COL2A1: variants seen among roughly 807,000 people sequenced by gnomAD.
The protein encoded by COL2A1 is collagen alpha-1(II) chain.
A neutral mutation model predicts 204.5 loss-of-function variants in COL2A1; 28 were observed. The observed-to-expected ratio is 0.14, with a 90% CI of 0.10 to 0.19. The LOEUF is 0.19. COL2A1 is among the 10% of genes least tolerant of loss of function. The pLI, the probability that COL2A1 is intolerant of heterozygous loss-of-function variation, is 1.00. For missense variants in COL2A1, 1,388 were observed against 2,027.5 expected, an observed-to-expected ratio of 0.68 and a Z score of 6.06; for synonymous variants, 708 against 718.7, an observed-to-expected ratio of 0.99 and a Z score of 0.24.
At position 47,982,875 on chromosome 12, in the gene COL2A1, G is replaced by C. The variant is rs753427426; in HGVS notation, c.2166C>G (p.Pro722=). ...TGGGACCATCAGTGCCAGGAGTGCCGGGGAGGCCACGGGGACCCTGGAGGC... is the reference window on the plus strand; with the variant it reads ...TGGGACCATCAGTGCCAGGAGTGCCCGGGAGGCCACGGGGACCCTGGAGGC... ...AQGLQGPRGL[P]GTPGTDGPKG... The change falls in exon 33 of 54, where the codon CCC becomes CCG. Residue 722 remains proline, a synonymous_variant. Coordinates refer to ENST00000380518, the MANE Select transcript of COL2A1 (RefSeq NM_001844.5). 3 of 1,612,386 alleles carry C rather than the reference G, an allele frequency of 1.9e-6. No individual in the cohort carries two copies. Among genetic ancestry groups the C allele is most frequent in the South Asian group, 1.1e-5 (1 of 91,070 alleles).
chr12:47,999,672 T>A (rs2136635555), intron 2 of COL2A1: 2 of 321,326 alleles, frequency 6.2e-6, no homozygotes, highest in Admixed American at 4.8e-5. Context: ...ACATCTGTCC[T>A]TCATGTGTCT....
rs1227560487 is a variant in COL2A1 at position 47,996,535 on chromosome 12, T to A, written c.609+13A>T. ...TGCCATTTTGGCTGCAAAGAACTAG[T>A]GTCTTTTCTTACCATTGGTCCTTGC... On this transcript the variant is annotated intron_variant, in intron 8 of 53. Coordinates refer to ENST00000380518, the MANE Select transcript of COL2A1 (RefSeq NM_001844.5). The A allele has an allele frequency of 6.2e-7, 1 of 1,611,554 alleles. No homozygotes were observed. The highest frequency in any genetic ancestry group is 8.5e-7 in the Non-Finnish European group (1 of 1,177,726).
At chr12:47,982,481 G>A (rs1939150070) in intron 34 of COL2A1, 21 bp downstream of exon 34, 2 of 1,586,260 alleles carry the variant, frequency 1.3e-6, no homozygotes, top group East Asian at 2.2e-5. Context: ...TTTGGTGAGA[G>A]GCTGTAACCT....
Position 47,978,818 on chromosome 12 carries a change from A to G in COL2A1, c.2734-60T>C. 6.3e-7 allele frequency: 1 copy of G among 1,586,002 alleles called. No homozygotes were observed. The highest frequency in any genetic ancestry group is 1.7e-5 in the Admixed American group (1 of 59,366). On this transcript the variant is annotated intron_variant, in intron 41 of 53. Coordinates refer to ENST00000380518, the MANE Select transcript of COL2A1 (RefSeq NM_001844.5). This position sits in a 1 kb window ranked among gnomAD's most constrained non-coding sequence, Gnocchi z 5.5. ...CTCACCCTTCCTCATCCAGGCTGCC[A>G]AAGTCACTGTGGCCTCAGTGACAGC...
chr12:47,993,278 C>T (rs1939790997), intron 15 of COL2A1, among the ~76,000 whole-genome samples, 180 bp downstream of exon 15: 1 of 152,190 alleles, frequency 6.6e-6, no homozygotes, highest in East Asian at 1.9e-4. Context: ...AAATGGGTAT[C>T]TTAAGGAAAT....
chr12:47,988,016 C>T (rs1478293911), intron 18 of COL2A1, among the ~76,000 whole-genome samples: 3 of 152,196 alleles, frequency 2.0e-5, no homozygotes, highest in South Asian at 2.1e-4. Flanking sequence ...GCTGTTCCAT[C>T]GACACCATCA....
At chr12:47,996,793 G>A (rs1939987270) in intron 7 of COL2A1, among the ~76,000 whole-genome samples, 168 bp from the exon 8 acceptor site, 1 of 152,190 alleles carries the variant, frequency 6.6e-6, no homozygotes, top group South Asian at 2.1e-4. Flanking sequence ...AAGTAATTTT[G>A]GGAATGGATT....
intron 7 of COL2A1, 21 bp from the exon 8 acceptor site, chr12:47,996,646 G>T: frequency 6.2e-7 from 1 of 1,611,112 alleles, no homozygotes; most frequent in Non-Finnish European, 8.5e-7. Context: ...ACCCAACAAC[G>T]TTAGGAGGTT....
In COL2A1 at chr12:47,980,439, T is replaced by TG; in HGVS notation, c.2625+114dup. 1.1e-6 allele frequency: 1 copy of TG among 941,904 alleles called. No homozygotes were observed. The highest frequency in any genetic ancestry group is 1.7e-6 in the Non-Finnish European group (1 of 593,260). 58.3% of individuals were successfully genotyped at this position (941,904 alleles called of 1,614,324 possible). ...CACATGGAAGCTCCTTCTACCAACA[T>TG]GGGGGTGTTCCCAGGCCTGCGAACC... On this transcript the variant is annotated intron_variant, in intron 39 of 53. Coordinates refer to ENST00000380518, the MANE Select transcript of COL2A1 (RefSeq NM_001844.5). The surrounding 1 kb of genome is among the most constrained non-coding windows in gnomAD (Gnocchi z 4.5).
In COL2A1 at chr12:47,975,590, G is replaced by A; in HGVS notation, c.3613C>T (p.Pro1205Ser). Reference sequence around the variant, plus strand: ...GGACCTGGAGGACCAGGGGGTCCAGGATTTCCAGGAGGACCCTGCAGCAGG... The same window carrying A: ...GGACCTGGAGGACCAGGGGGTCCAGAATTTCCAGGAGGACCCTGCAGCAGG... ...ETGPAGPPGNPGPPGPPGPPG... is the reference protein window; with the variant it reads ...ETGPAGPPGNSGPPGPPGPPG... Residue 1205 changes from proline (P) to serine (S), a missense_variant, in exon 51 of 54, where the codon CCT becomes TCT. By Grantham distance (74) the Pro-to-Ser change is moderately conservative. Transcript: ENST00000380518. The A allele has an allele frequency of 6.2e-7, 1 of 1,600,606 alleles. No individual in the cohort carries two copies. Among genetic ancestry groups the A allele is most frequent in the Non-Finnish European group, 8.5e-7 (1 of 1,179,876 alleles).
chr12:47,995,645 G>T lies in COL2A1; in HGVS notation c.708+65C>A, dbSNP rs1939922466. 1.1e-5 allele frequency: 16 copies of T among 1,478,352 alleles called. No individual in the cohort carries two copies. The South Asian group carries it at 1.8e-4, about 17-fold the overall frequency. The allele number at this position is 1,478,352 out of a possible 1,614,324, so 91.6% of individuals were successfully genotyped here. A position where few individuals can be genotyped will look rare whatever the true frequency, so the allele number is the denominator to read the frequency against. On this transcript the variant is annotated intron_variant, in intron 10 of 53. Transcript: ENST00000380518. ...GCAGAGCCTGGGAGGGACAGCAGCT[G>T]CGGTCCTAGTGGTCTATCATTAGAG...
In COL2A1 at chr12:47,982,353, G is replaced by T. The variant is rs1055310361; in HGVS notation, c.2301+149C>A. ...GGGAAAGGATGTCACTAAAAGGCAG[G>T]GAGCTTTGGAAAGGAGTCTTTAAGC... On this transcript the variant is annotated intron_variant, in intron 34 of 53. Transcript: ENST00000380518. 44 of 799,090 alleles carry T rather than the reference G, an allele frequency of 5.5e-5. No individual in the cohort carries two copies. The African/African-American group carries it at 7.3e-4, about 13-fold the overall frequency. The allele number at this position is 799,090 out of a possible 1,614,324, so 49.5% of individuals were successfully genotyped here. A position where few individuals can be genotyped will look rare whatever the true frequency, so the allele number is the denominator to read the frequency against.
intron 17 of COL2A1, 129 bp from the exon 18 acceptor site, chr12:47,989,410 G>A (rs1939594262): frequency 4.6e-6 from 4 of 866,082 alleles, no homozygotes; most frequent in East Asian, 2.6e-5. Flanking sequence ...TGGCTAAAAG[G>A]CCTTGGATGA....
intron 44 of COL2A1, 119 bp downstream of exon 44, chr12:47,977,891 C>A (rs756202836): frequency 9.4e-7 from 1 of 1,060,020 alleles, no homozygotes; most frequent in East Asian, 2.6e-5. Context: ...GCCTGTCGGC[C>A]GACACTGCCA....
rs41263851 is a variant in COL2A1 at position 47,983,388 on chromosome 12, G to A, written c.2046C>T (p.Asp682=). Residue 682 remains aspartate, a synonymous_variant, in exon 31 of 54, where the codon GAC becomes GAT. Transcript: ENST00000380518. The stretch of plus-strand genomic sequence containing the variant: ...GTCCAAAGAGCCCCATACTCACCTG[G>A]TCACCTGGTTTTCCACCTTCACCTG... The part of the protein sequence containing the change: ...GPPGEGGKPG[D]QGVPGEAGAP... 3.1e-4 allele frequency: 508 copies of A among 1,614,072 alleles called. No individual in the cohort carries two copies. The African/African-American group carries it at 6.0e-3, about 19-fold the overall frequency.
rs1040248916 is a variant in COL2A1, at chr12:47,978,520, C to T, written c.2895+77G>A. The T allele has an allele frequency of 6.3e-7, 1 of 1,597,190 alleles. No individual in the cohort carries two copies. The highest frequency in any genetic ancestry group is 1.7e-5 in the Admixed American group (1 of 58,484). ...CCCCACGGCCCCTGCTCCCTCCTAC[C>T]CCATGCTCTGTGAGCTCAGAAGCCA... On this transcript the variant is annotated intron_variant, in intron 42 of 53. Transcript: ENST00000380518. The surrounding 1 kb of genome is among the most constrained non-coding windows in gnomAD (Gnocchi z 5.5).
In COL2A1 at chr12:47,993,780, C is replaced by T. The variant is rs373453716; in HGVS notation, c.924+29G>A. The T allele has an allele frequency of 3.1e-6, 5 of 1,612,418 alleles. No individual in the cohort carries two copies. In the African/African-American group the frequency reaches 5.3e-5, roughly 17 times the overall value. Reference sequence around the variant, plus strand: ...GGGCTCCTCATTGTCTCCCTCCTCCCCATCCCATTGTACTTTCTGGCCTCT... The same window carrying T: ...GGGCTCCTCATTGTCTCCCTCCTCCTCATCCCATTGTACTTTCTGGCCTCT... On this transcript the variant is annotated intron_variant, in intron 14 of 53. Coordinates refer to ENST00000380518, the MANE Select transcript of COL2A1 (RefSeq NM_001844.5).
In COL2A1 at chr12:47,984,828, G is replaced by T. The variant is rs41317935; in HGVS notation, c.1833+167C>A. The stretch of plus-strand genomic sequence containing the variant: ...TGCCCCGAGGCTCTGTGGGGCCATG[G>T]ATTTTCCCCAAATCACATACAGACC... On this transcript the variant is annotated intron_variant, in intron 27 of 53. Coordinates refer to ENST00000380518, the MANE Select transcript of COL2A1 (RefSeq NM_001844.5). 5.3e-5 allele frequency among the ~76,000 whole-genome samples: 8 copies of T among 152,316 alleles called. No individual in the cohort carries two copies. The South Asian group carries it at 6.2e-4, about 12-fold the overall frequency.
At chr12:47,997,164 T>C (rs1398084159) in intron 7 of COL2A1, among the ~76,000 whole-genome samples, 1 of 152,256 alleles carries the variant, frequency 6.6e-6, no homozygotes, top group African/African-American at 2.4e-5. Context: ...GAATTGACTT[T>C]AGCCACACAC....
Sources: allele counts gnomAD v4.1 joint callset (sites outside exome capture counted in the v4.1 genomes callset), GRCh38; gene constraint gnomAD v4.1.1; non-coding constraint Gnocchi (gnomAD v3.1); transcripts MANE v1.5; gene names NCBI Gene and HGNC (gene_info 2026-07-23, HGNC 2026-07-21).